Variants in RORA observed in about 807,000 individuals in gnomAD.
RORA encodes the protein nuclear receptor ROR-alpha.
A neutral mutation model predicts 69.5 loss-of-function variants in RORA; 7 were observed. The observed-to-expected ratio is 0.10, with a 90% CI of 0.06 to 0.19. The LOEUF is 0.19. RORA is among the 10% of genes least tolerant of loss of function. RORA has a pLI of 1.00. For missense variants in RORA, 457 were observed against 663.0 expected (o/e 0.69, Z 3.41); for synonymous variants, 261 against 240.8 (o/e 1.08, Z -0.78).
At chr15:61,020,434 C>T (rs1239391453) in intron 1 of RORA, among the ~76,000 whole-genome samples, 2 of 152,198 alleles carry the variant, frequency 1.3e-5, no homozygotes, top group African/African-American at 2.4e-5. Flanking sequence ...TGCTTCTTCG[C>T]AAACAGACTT....
intron 2 of RORA, among the ~76,000 whole-genome samples, chr15:60,563,255 G>A (rs533846571): frequency 6.6e-6 from 1 of 152,258 alleles, no homozygotes; most frequent in East Asian, 1.9e-4. Context: ...CAAATACCAG[G>A]TGTGCCAGAC....
intron 1 of RORA, among the ~76,000 whole-genome samples, chr15:61,227,410 T>C (rs1596086907): frequency 6.6e-6 from 1 of 152,044 alleles, no homozygotes; most frequent in Non-Finnish European, 1.5e-5. Context: ...CCCTTCCCTT[T>C]TGTCCCAGCC....
chr15:61,168,670 T>C (rs1343342781), intron 1 of RORA, among the ~76,000 whole-genome samples: 1 of 152,148 alleles, frequency 6.6e-6, no homozygotes, highest in Non-Finnish European at 1.5e-5. Flanking sequence ...CTTGAACATC[T>C]TTCCTTGTCA....
In RORA at chr15:61,226,079, C is replaced by T. The variant is rs1034077174; in HGVS notation, c.166+2974G>A. Among the ~76,000 whole-genome samples the T allele has an allele frequency of 1.6e-4, 24 of 152,178 alleles. No homozygotes were observed. The highest frequency in any genetic ancestry group is 5.8e-4 in the African/African-American group (24 of 41,430). Reference sequence around the variant, plus strand: ...AGGCAATAAAGGTACACAGTGCATCCACACTTGGATTCCCAAGAGGGAGGA... The same window carrying T: ...AGGCAATAAAGGTACACAGTGCATCTACACTTGGATTCCCAAGAGGGAGGA... On this transcript the variant is annotated intron_variant, in intron 1 of 10. Coordinates refer to ENST00000335670, the MANE Select transcript of RORA (RefSeq NM_134261.3). This position sits in a 1 kb window ranked among gnomAD's most constrained non-coding sequence, Gnocchi z 4.2.
intron 2 of RORA, among the ~76,000 whole-genome samples, chr15:60,625,198 C>G (rs2069542035): frequency 6.6e-6 from 1 of 152,152 alleles, no homozygotes; most frequent in African/African-American, 2.4e-5. Flanking sequence ...AAGACACAGA[C>G]CGGGCTTCAG....
At chr15:60,681,717 T>G (rs1280455755) in intron 1 of RORA, 1 of 152,200 alleles carries the variant, frequency 6.6e-6, no homozygotes, top group Non-Finnish European at 1.5e-5. Flanking sequence ...TTTTTCTCAT[T>G]TTCCTAGAGG....
chr15:60,781,163 G>A lies in RORA; in HGVS notation c.167-102477C>T, dbSNP rs1477632201. On this transcript the variant is annotated intron_variant, in intron 1 of 10. Coordinates refer to ENST00000335670, the MANE Select transcript of RORA (RefSeq NM_134261.3). ...CATAGAAGGTATGCTGAGGCTGGCT[G>A]GTCGTGCTAGGGTGGAGTGGGGACG... Among the ~76,000 whole-genome samples, 7 of 152,122 alleles carry A rather than the reference G, an allele frequency of 4.6e-5. No homozygotes were observed. In the East Asian group the frequency reaches 1.4e-3, roughly 29 times the overall value.
At chr15:61,010,064 C>A (rs1226517171) in intron 1 of RORA, among the ~76,000 whole-genome samples, 2 of 152,154 alleles carry the variant, frequency 1.3e-5, no homozygotes, top group Non-Finnish European at 2.9e-5. Flanking sequence ...TTTTATTAAA[C>A]TCATATTTAG....
At chr15:60,515,301 A>T (rs561661861) in intron 3 of RORA, among the ~76,000 whole-genome samples, 1 of 152,340 alleles carries the variant, frequency 6.6e-6, no homozygotes, top group Admixed American at 6.5e-5. Context: ...CAAGCATTAG[A>T]TAACACTTGG....
intron 1 of RORA, among the ~76,000 whole-genome samples, chr15:61,011,663 A>T (rs1480329434): frequency 6.6e-6 from 1 of 152,214 alleles, no homozygotes; most frequent in Admixed American, 6.5e-5. Flanking sequence ...TTTGACACTC[A>T]TAAAGCAGAC....
At chr15:61,060,527 G>C (rs1436832832) in intron 1 of RORA, among the ~76,000 whole-genome samples, 1 of 152,160 alleles carries the variant, frequency 6.6e-6, no homozygotes, top group Non-Finnish European at 1.5e-5. Flanking sequence ...GATGAAGTGA[G>C]GAGACCCCAT....
intron 1 of RORA, among the ~76,000 whole-genome samples, chr15:61,188,627 T>C (rs2079767675): frequency 6.6e-6 from 1 of 152,178 alleles, no homozygotes; most frequent in African/African-American, 2.4e-5. Flanking sequence ...GAAATAATCA[T>C]TAATGATTTA....
At position 61,229,136 on chromosome 15, in the gene RORA, T is replaced by G. The variant is rs1217012259; in HGVS notation, c.83A>C (p.Glu28Ala). The G allele has an allele frequency of 6.5e-7, 1 of 1,542,262 alleles. No homozygotes were observed. Among genetic ancestry groups the G allele is most frequent in the Admixed American group, 2.0e-5 (1 of 50,752 alleles). Residue 28 changes from glutamate to alanine, a missense_variant, in exon 1 of 11, where the codon GAG becomes GCG. Transcript: ENST00000335670. Reference protein sequence around the residue: ...SGADAAAGSRETPLNQESARK... With the variant: ...SGADAAAGSRATPLNQESARK... Reference sequence around the variant, plus strand: ...GGCGGATTCCTGGTTCAGCGGGGTCTCCCTGGAGCCGGCGGCCGCGTCCGC... The same window carrying G: ...GGCGGATTCCTGGTTCAGCGGGGTCGCCCTGGAGCCGGCGGCCGCGTCCGC...
intron 2 of RORA, among the ~76,000 whole-genome samples, chr15:60,575,441 A>C (rs980996520): frequency 2.6e-5 from 4 of 152,214 alleles, no homozygotes; most frequent in African/African-American, 9.6e-5. Context: ...GGTGGTACAA[A>C]GGAACTGAGA....
At chr15:61,084,736 T>C (rs1485341812) in intron 1 of RORA, among the ~76,000 whole-genome samples, 1 of 151,968 alleles carries the variant, frequency 6.6e-6, no homozygotes, top group African/African-American at 2.4e-5. Flanking sequence ...TCACTGTGTA[T>C]ACAACTTCAC....
intron 1 of RORA, among the ~76,000 whole-genome samples, chr15:60,863,172 T>A (rs2073450985): frequency 6.6e-6 from 1 of 152,204 alleles, no homozygotes; most frequent in African/African-American, 2.4e-5. Flanking sequence ...ATAATTGAGA[T>A]TCAGAAAGAT....
At chr15:60,765,306 T>C (rs1164939618) in intron 1 of RORA, 9 of 152,140 alleles carry the variant, frequency 5.9e-5, no homozygotes, top group Non-Finnish European at 5.9e-5. Context: ...AAATTCAATG[T>C]GTGCCCACTG....
intron 1 of RORA, among the ~76,000 whole-genome samples, chr15:61,073,739 A>G (rs1318210038): frequency 6.6e-6 from 1 of 152,226 alleles, no homozygotes; most frequent in East Asian, 1.9e-4. Context: ...TGCTTCGTCC[A>G]TCTTTAGATG....
intron 1 of RORA, among the ~76,000 whole-genome samples, chr15:61,105,537 T>A (rs1483530557): frequency 6.6e-6 from 1 of 152,190 alleles, no homozygotes; most frequent in Non-Finnish European, 1.5e-5. Context: ...TCAAAGGTAC[T>A]CTCCTCTTCT....
Sources: allele counts gnomAD v4.1 joint callset (sites outside exome capture counted in the v4.1 genomes callset), GRCh38; gene constraint gnomAD v4.1.1; non-coding constraint Gnocchi (gnomAD v3.1); transcripts MANE v1.5; gene names NCBI Gene and HGNC (gene_info 2026-07-23, HGNC 2026-07-21).